The following COX18 variants were observed in gnomAD, a reference collection of about 807,000 sequenced individuals.
COX18 encodes cytochrome c oxidase assembly protein COX18, mitochondrial.
In COX18, 45 loss-of-function variants were observed where a neutral mutation model predicts 38.0. The observed-to-expected ratio is 1.18, with a 90% CI of 0.93 to 1.52. The LOEUF is 1.52. Ranked by LOEUF, COX18 falls within the 40% of genes most tolerant of loss-of-function variation. COX18 has a pLI of 0.00. For missense variants in COX18, 462 were observed against 423.8 expected, an observed-to-expected ratio of 1.09 and a Z score of -0.79; for synonymous variants, 177 against 169.8, an observed-to-expected ratio of 1.04 and a Z score of -0.33.
chr4:73,069,231 G>C lies in COX18; in HGVS notation c.333+86C>G. 4.1e-6 allele frequency: 4 copies of C among 978,008 alleles called. No individual in the cohort carries two copies. The South Asian group carries it at 6.9e-5, about 17-fold the overall frequency. The allele number at this position is 978,008 out of a possible 1,614,324, so 60.6% of individuals were successfully genotyped here. ...TAAGCACTGCAGAAGGCAACATCGT[G>C]CGATCGAAAACCCTGAGTGAATGTC... On this transcript the variant is annotated intron_variant, in intron 1 of 5. Coordinates refer to ENST00000507544, the MANE Select transcript of COX18 (RefSeq NM_001297732.2).
Position 73,054,214 on chromosome 4 carries a change from C to T in COX18, c.*3900G>A, listed in dbSNP as rs915974288. 6.6e-6 allele frequency: 1 copy of T among 152,310 alleles called. No individual in the cohort carries two copies. The highest frequency in any genetic ancestry group is 2.4e-5 in the African/African-American group (1 of 41,458). 9.4% of individuals were successfully genotyped at this position (152,310 alleles called of 1,614,324 possible). A position where few individuals can be genotyped will look rare whatever the true frequency, so the allele number is the denominator to read the frequency against. On this transcript the variant is annotated 3_prime_UTR_variant, in exon 6 of 6. Coordinates refer to ENST00000507544, the MANE Select transcript of COX18 (RefSeq NM_001297732.2). Reference sequence around the variant, plus strand: ...GATATAGGCAAGCCAGACAGCAAGACATCAAGGGGTCTTAAGAGCATGCAT... The same window carrying T: ...GATATAGGCAAGCCAGACAGCAAGATATCAAGGGGTCTTAAGAGCATGCAT...
Position 73,069,561 on chromosome 4 carries a change from G to T in COX18, c.89C>A (p.Thr30Lys). ...ARDLPLAPVP[T>K]SGAKRPTLPV... ...GAGAGTGGGGCGCTTGGCGCCGCTC[G>T]TAGGAACCGGCGCAAGCGGCAGGTC... Residue 30 changes from threonine (T) to lysine (K), a missense_variant, in exon 1 of 6, where the codon ACG becomes AAG. Transcript: ENST00000507544. 6.4e-7 allele frequency: 1 copy of T among 1,568,398 alleles called. No homozygotes were observed.
At chr4:73,062,520 G>C (rs1560472333) in intron 4 of COX18, among the ~76,000 whole-genome samples, 1 of 152,154 alleles carries the variant, frequency 6.6e-6, no homozygotes, top group African/African-American at 2.4e-5. Context: ...GGTAGCTACT[G>C]TCACAGGATT....
chr4:73,062,829 C>T (rs574534581), intron 4 of COX18, among the ~76,000 whole-genome samples: 3 of 146,452 alleles, frequency 2.0e-5, no homozygotes, highest in Middle Eastern at 3.7e-3. Context: ...AGAGTAAGAC[C>T]GTCTCCAAAA....
At chr4:73,069,242 C>G (rs900907735) in intron 1 of COX18, 75 bp downstream of exon 1, 8 of 1,127,844 alleles carry the variant, frequency 7.1e-6, no homozygotes, top group Non-Finnish European at 8.6e-6. Context: ...CGATCGAAAA[C>G]CCTGAGTGAA....
At chr4:73,063,739 T>C (rs1274572619) in intron 4 of COX18, among the ~76,000 whole-genome samples, 1 of 152,302 alleles carries the variant, frequency 6.6e-6, no homozygotes, top group East Asian at 1.9e-4. Context: ...GAGTCTTTCC[T>C]CAAGAAACTT....
At chr4:73,067,978 GTGTGTGTGTGTA>G in intron 2 of COX18, 39 bp downstream of exon 2, 1 of 984,052 alleles carries the variant, frequency 1.0e-6, no homozygotes, top group Non-Finnish European at 1.6e-6. Context: ...GTGTGTGTGT[GTGTGTGTGTGTA>G]TGTGTGCGTA....
chr4:73,058,329 A>C (rs1719995414), intron 5 of COX18, 42 bp from the exon 6 acceptor site: 1 of 1,423,610 alleles, frequency 7.0e-7, no homozygotes, highest in African/African-American at 1.4e-5. Flanking sequence ...GTAATTCTAC[A>C]AGGACATCAC....
chr4:73,069,635 G>T lies in COX18; in HGVS notation c.15C>A (p.Leu5=), dbSNP rs866085927. The stretch of plus-strand genomic sequence containing the variant: ...GGAGCGGCCGCAGCCACCGACCGCC[G>T]AGCCGGCACAGCATTTCTGCACCAC... MLCR[L]GGRWLRPLPA... Residue 5 remains leucine, a synonymous_variant, in exon 1 of 6, where the codon CTC becomes CTA. Coordinates refer to ENST00000507544, the MANE Select transcript of COX18 (RefSeq NM_001297732.2). The T allele has an allele frequency of 6.5e-7, 1 of 1,549,816 alleles. No homozygotes were observed. The highest frequency in any genetic ancestry group is 8.7e-7 in the Non-Finnish European group (1 of 1,152,672).
At position 73,053,997 on chromosome 4, in the gene COX18, T is replaced by C. The variant is rs892800008; in HGVS notation, c.*4117A>G. On this transcript the variant is annotated 3_prime_UTR_variant, in exon 6 of 6. Transcript: ENST00000507544. ...TTCCTGACTCTTGAAATGAGAAGCATTCATTAAGACAGTGAATCTGGCCTA... is the reference window on the plus strand; with the variant it reads ...TTCCTGACTCTTGAAATGAGAAGCACTCATTAAGACAGTGAATCTGGCCTA... 2 of 152,192 alleles carry C rather than the reference T, an allele frequency of 1.3e-5. No homozygotes were observed. The highest frequency in any genetic ancestry group is 4.8e-5 in the African/African-American group (2 of 41,442). The allele number at this position is 152,192 out of a possible 1,614,324, so 9.4% of individuals were successfully genotyped here. A position where few individuals can be genotyped will look rare whatever the true frequency, so the allele number is the denominator to read the frequency against.
Position 73,055,818 on chromosome 4 carries a change from C to T in COX18, c.*2296G>A, listed in dbSNP as rs1232594587. ...GGAGGCAAATTTACAAATATAAAAT[C>T]CACAAATAATGAGGATATTTCAATT... On this transcript the variant is annotated 3_prime_UTR_variant, in exon 6 of 6. Coordinates refer to ENST00000507544, the MANE Select transcript of COX18 (RefSeq NM_001297732.2). 1 of 152,090 alleles carries T rather than the reference C, an allele frequency of 6.6e-6. No homozygotes were observed. Among genetic ancestry groups the T allele is most frequent in the Non-Finnish European group, 1.5e-5 (1 of 68,020 alleles). The allele number at this position is 152,090 out of a possible 1,614,324, so 9.4% of individuals were successfully genotyped here. A position where few individuals can be genotyped will look rare whatever the true frequency, so the allele number is the denominator to read the frequency against.
At chr4:73,068,432 G>A in intron 1 of COX18, 1 of 217,872 alleles carries the variant, frequency 4.6e-6, no homozygotes, top group Non-Finnish European at 9.4e-6. Context: ...GATAAGAACT[G>A]CACCCTGGGC....
chr4:73,064,635 C>T, intron 4 of COX18, 143 bp downstream of exon 4: 2 of 907,884 alleles, frequency 2.2e-6, no homozygotes, highest in Non-Finnish European at 3.3e-6. Flanking sequence ...AAGCCAATGC[C>T]TGACGTGGAA....
chr4:73,058,443 G>C (rs1720000138), intron 5 of COX18, among the ~76,000 whole-genome samples, 156 bp from the exon 6 acceptor site: 1 of 151,930 alleles, frequency 6.6e-6, no homozygotes, highest in Non-Finnish European at 1.5e-5. Context: ...AGATTTAATA[G>C]ACAGGGAAAA....
intron 2 of COX18, 145 bp downstream of exon 2, chr4:73,067,884 T>TATATATATAA (rs1289365401): frequency 1.6e-4 from 17 of 109,640 alleles, no homozygotes; most frequent in African/African-American, 3.6e-4. Context: ...TATATATATA[T>TATATATATAA]AAAAAAAGAA....
chr4:73,067,031 G>A (rs1166181336), intron 2 of COX18, among the ~76,000 whole-genome samples: 3 of 152,166 alleles, frequency 2.0e-5, no homozygotes, highest in African/African-American at 7.2e-5. Flanking sequence ...TTGAGGAGTT[G>A]ATTGAAGCAA....
Position 73,061,795 on chromosome 4 carries a change from A to G in COX18, c.831+18T>C. The G allele has an allele frequency of 1.4e-6, 2 of 1,450,508 alleles. No homozygotes were observed. The highest frequency in any genetic ancestry group is 1.1e-5 in the South Asian group (1 of 87,574). 89.9% of individuals were successfully genotyped at this position (1,450,508 alleles called of 1,614,324 possible). ...GAGGATTTAGCACATGCTACACACA[A>G]TATTGGTGCTTACTCACTGAGGGTA... On this transcript the variant is annotated intron_variant, in intron 5 of 5. Transcript: ENST00000507544.
intron 2 of COX18, among the ~76,000 whole-genome samples, 165 bp downstream of exon 2, chr4:73,067,864 A>ATATATATATATAT (rs1463244468): frequency 5.0e-5 from 1 of 20,010 alleles, no homozygotes; most frequent in African/African-American, 9.1e-5. Context: ...AAAAAAAAAA[A>ATATATATATATAT]ATATATATAT....
chr4:73,061,997 T>C, intron 4 of COX18, 77 bp from the exon 5 acceptor site: 1 of 766,686 alleles, frequency 1.3e-6, no homozygotes, highest in South Asian at 1.6e-5. Context: ...AAATATAAAC[T>C]GATTTTTCAC....
Sources: allele counts gnomAD v4.1 joint callset (sites outside exome capture counted in the v4.1 genomes callset), GRCh38; gene constraint gnomAD v4.1.1; transcripts MANE v1.5; gene names NCBI Gene and HGNC (gene_info 2026-07-23, HGNC 2026-07-21).